The following GRIN3B variants were observed in gnomAD, a reference collection of about 807,000 sequenced individuals.
GRIN3B encodes the protein glutamate receptor ionotropic, NMDA 3B.
Under a neutral mutation model 66.0 loss-of-function variants are expected in GRIN3B, and 77 were observed. The observed-to-expected ratio is 1.17, with a 90% confidence interval of 0.97 to 1.41. The LOEUF is 1.41. Among genes scored for constraint, GRIN3B ranks in the 40% most tolerant of loss-of-function variants. The pLI, the probability that GRIN3B is intolerant of heterozygous loss-of-function variation, is 0.00. For synonymous variants in GRIN3B, 823 were observed against 749.7 expected (o/e 1.10, Z -1.60); for missense variants, 1,787 against 1,564.5 (o/e 1.14, Z -2.40).
At position 1,005,352 on chromosome 19, in the gene GRIN3B, C is replaced by T; in HGVS notation, c.1851C>T (p.Ser617=). ...GRNRSTVFSY[S]SALNLCYAIL... ...ACCGCAGCACCGTCTTCTCCTACTC[C>T]TCAGCCCTCAACCTGTGCTACGCCA... Residue 617 remains serine (S), a synonymous_variant, in exon 3 of 9, where the codon TCC becomes TCT. Transcript: ENST00000234389. The surrounding 1 kb of genome is among the most constrained non-coding windows in gnomAD (Gnocchi z 5.2). 7 of 1,613,784 alleles carry T rather than the reference C, an allele frequency of 4.3e-6. No individual in the cohort carries two copies. Among genetic ancestry groups the T allele is most frequent in the Non-Finnish European group, 4.2e-6 (5 of 1,180,018 alleles).
At chr19:1,003,989 T>C (rs1460976497) in intron 2 of GRIN3B, among the ~76,000 whole-genome samples, 1 of 152,212 alleles carries the variant, frequency 6.6e-6, no homozygotes, top group African/African-American at 2.4e-5. Context: ...CTCAGGAGGC[T>C]GAGATGAGAG....
Position 1,005,569 on chromosome 19 carries a change from G to A in GRIN3B, c.2052+16G>A. 1 of 1,545,772 alleles carries A rather than the reference G, an allele frequency of 6.5e-7. No homozygotes were observed. The highest frequency in any genetic ancestry group is 8.7e-7 in the Non-Finnish European group (1 of 1,143,584). On this transcript the variant is annotated intron_variant, in intron 3 of 8. Coordinates refer to ENST00000234389, the MANE Select transcript of GRIN3B (RefSeq NM_138690.3). This position sits in a 1 kb window ranked among gnomAD's most constrained non-coding sequence, Gnocchi z 5.2. ...CGACCCCAAGGTGGGCGGCCTCGGG[G>A]GGCTGCGGGTGGCCTTGGGGGGCTA...
chr19:1,007,560 C>T lies in GRIN3B; in HGVS notation c.2053-68C>T, dbSNP rs2145540167. On this transcript the variant is annotated intron_variant, in intron 3 of 8. Coordinates refer to ENST00000234389, the MANE Select transcript of GRIN3B (RefSeq NM_138690.3). The surrounding 1 kb of genome is among the most constrained non-coding windows in gnomAD (Gnocchi z 4.4). ...CCCAGGACGGCCCCACCCCGGAGAACGGCGCGCCCCTCAATGGTCAGGGGT... is the reference window on the plus strand; with the variant it reads ...CCCAGGACGGCCCCACCCCGGAGAATGGCGCGCCCCTCAATGGTCAGGGGT... The T allele has an allele frequency of 1.5e-6, 2 of 1,360,400 alleles. No individual in the cohort carries two copies. Among genetic ancestry groups the T allele is most frequent in the East Asian group, 3.1e-5 (1 of 32,160 alleles). The allele number at this position is 1,360,400 out of a possible 1,614,324, so 84.3% of individuals were successfully genotyped here.
rs892110155 is a variant in GRIN3B at position 1,004,828 on chromosome 19, C to A, written c.1327C>A (p.Gln443Lys). 2.5e-6 allele frequency: 4 copies of A among 1,612,582 alleles called. No homozygotes were observed. Among genetic ancestry groups the A allele is most frequent in the Non-Finnish European group, 3.4e-6 (4 of 1,179,482 alleles). ...PDEDGQCPAGQLCLDPGTNDS... is the reference protein window; with the variant it reads ...PDEDGQCPAGKLCLDPGTNDS... The stretch of plus-strand genomic sequence containing the variant: ...CGAAGACGGGCAGTGCCCAGCGGGG[C>A]AGCTGTGCCTGGACCCTGGCACCAA... Residue 443 changes from glutamine to lysine, a missense_variant, in exon 3 of 9, where the codon CAG becomes AAG. Physicochemically the swap from Gln to Lys is moderately conservative, Grantham distance 53. Transcript: ENST00000234389.
In GRIN3B at chr19:1,003,296, C is replaced by G; in HGVS notation, c.593C>G (p.Pro198Arg). 1 of 1,572,018 alleles carries G rather than the reference C, an allele frequency of 6.4e-7. No homozygotes were observed. The highest frequency in any genetic ancestry group is 1.2e-5 in the South Asian group (1 of 85,796). ...VALWTSRAGR[P>R]PQLVLDLSRR... ...CTCTGGACAAGCCGGGCTGGCCGGC[C>G]CCCACAGCTGGTCCTGGACCTAAGC... is the stretch of plus-strand genomic sequence containing the variant. Residue 198 changes from proline (P) to arginine (R), a missense_variant, in exon 2 of 9, where the codon CCC becomes CGC. Transcript: ENST00000234389.
In GRIN3B at chr19:1,009,425, G is replaced by C. The variant is rs1389165057; in HGVS notation, c.2955G>C (p.Glu985Asp). 2 of 1,452,316 alleles carry C rather than the reference G, an allele frequency of 1.4e-6. No individual in the cohort carries two copies. The highest frequency in any genetic ancestry group is 3.0e-5 in the East Asian group (1 of 33,410). 90.0% of individuals were successfully genotyped at this position (1,452,316 alleles called of 1,614,324 possible). A position where few individuals can be genotyped will look rare whatever the true frequency, so the allele number is the denominator to read the frequency against. ...TGAPQPGELQELERRIEVARE... is the reference protein window; with the variant it reads ...TGAPQPGELQDLERRIEVARE... Reference sequence around the variant, plus strand: ...CCCCCCAGCCCGGGGAGCTGCAGGAGCTGGAGCGCCGCATCGAAGTCGCGC... The same window carrying C: ...CCCCCCAGCCCGGGGAGCTGCAGGACCTGGAGCGCCGCATCGAAGTCGCGC... The change falls in exon 9 of 9, where the codon GAG becomes GAC. Residue 985 changes from glutamate to aspartate, a missense_variant. By Grantham distance (45) the Glu-to-Asp change is conservative. Coordinates refer to ENST00000234389, the MANE Select transcript of GRIN3B (RefSeq NM_138690.3).
At position 1,009,489 on chromosome 19, in the gene GRIN3B, C is replaced by G; in HGVS notation, c.3019C>G (p.Leu1007Val). ...CCAGGCCCTGGTGCGGCGCGGCCAGCTCCTGGCACAGCTCGGGGACAGCGC... is the reference window on the plus strand; with the variant it reads ...CCAGGCCCTGGTGCGGCGCGGCCAGGTCCTGGCACAGCTCGGGGACAGCGC... ...LRQALVRRGQ[L>V]LAQLGDSARH... is the part of the protein sequence containing the mutation. The change falls in exon 9 of 9, where the codon CTC (leucine) becomes GTC (valine). Residue 1007 changes from leucine (L) to valine (V), a missense_variant. Physicochemically the swap from Leu to Val is conservative, Grantham distance 32. Transcript: ENST00000234389. 1.3e-6 allele frequency: 2 copies of G among 1,492,350 alleles called. No homozygotes were observed. Among genetic ancestry groups the G allele is most frequent in the South Asian group, 1.3e-5 (1 of 79,126 alleles). 92.4% of individuals were successfully genotyped at this position (1,492,350 alleles called of 1,614,324 possible).
At position 1,009,189 on chromosome 19, in the gene GRIN3B, CA is replaced by C; in HGVS notation, c.2720del (p.Gln907ArgfsTer178). ...EAEPSGPEVE[Q>X]QQQQQDQPTA... ...CGTCCCCAGCGGCCCCGAGGTGGAG[CA>C]GCAGCAGCAGCAGCAGGACCAGCCA... is the stretch of plus-strand genomic sequence containing the variant. On this transcript the variant is annotated frameshift_variant, in exon 9 of 9. Transcript: ENST00000234389. LOFTEE classifies it low-confidence loss of function (END_TRUNC). 8.7e-7 allele frequency: 1 copy of C among 1,146,768 alleles called. No individual in the cohort carries two copies. The highest frequency in any genetic ancestry group is 1.8e-5 in the African/African-American group (1 of 56,232). The allele number at this position is 1,146,768 out of a possible 1,614,324, so 71.0% of individuals were successfully genotyped here. A position where few individuals can be genotyped will look rare whatever the true frequency, so the allele number is the denominator to read the frequency against.
rs747446219 is a variant in GRIN3B at position 1,004,581 on chromosome 19, C to A, written c.1080C>A (p.Ser360=). The A allele has an allele frequency of 1.2e-6, 2 of 1,609,956 alleles. No individual in the cohort carries two copies. The highest frequency in any genetic ancestry group is 8.5e-7 in the Non-Finnish European group (1 of 1,178,884). The change falls in exon 3 of 9, where the codon TCC becomes TCA. Residue 360 remains serine (S), a synonymous_variant. Transcript: ENST00000234389. ...RTGPVWVTGS[S]QVHMSRHFKV... ...GCCCCGTGTGGGTGACAGGCAGCTCCCAGGTACACATGTCTCGGCACTTTA... is the reference window on the plus strand; with the variant it reads ...GCCCCGTGTGGGTGACAGGCAGCTCACAGGTACACATGTCTCGGCACTTTA...
intron 3 of GRIN3B, among the ~76,000 whole-genome samples, chr19:1,006,274 A>G (rs1218060954): frequency 6.6e-6 from 1 of 151,744 alleles, no homozygotes; most frequent in East Asian, 2.0e-4. Flanking sequence ...TCAGCCTCCC[A>G]AGTAGCTGGG....
chr19:1,007,446 C>T lies in GRIN3B; in HGVS notation c.2053-182C>T, dbSNP rs1312068699. On this transcript the variant is annotated intron_variant, in intron 3 of 8. Coordinates refer to ENST00000234389, the MANE Select transcript of GRIN3B (RefSeq NM_138690.3). The surrounding 1 kb of genome is among the most constrained non-coding windows in gnomAD (Gnocchi z 4.4). ...CCAGGGGACCCTGGACAGTGTGTGTCTAGAGACAGCTGTGGTGGTCACGCC... is the reference window on the plus strand; with the variant it reads ...CCAGGGGACCCTGGACAGTGTGTGTTTAGAGACAGCTGTGGTGGTCACGCC... Among the ~76,000 whole-genome samples, 2 of 151,826 alleles carry T rather than the reference C, an allele frequency of 1.3e-5. No individual in the cohort carries two copies. The highest frequency in any genetic ancestry group is 2.9e-5 in the Non-Finnish European group (2 of 67,906).
chr19:1,008,898 GA>G lies in GRIN3B; in HGVS notation c.2675del (p.Lys892ArgfsTer193). ...TCAACACGGAGCCACCAGAGGGGTC[GA>G]AGGAGGAGACGGCAGAGGCGGAGCC... The part of the protein sequence containing the change: ...ALNTEPPEGS[K>X]EETAEAEPSG... On this transcript the variant is annotated frameshift_variant, in exon 8 of 9. Transcript: ENST00000234389. LOFTEE classifies it low-confidence loss of function (END_TRUNC). 1 of 1,610,562 alleles carries G rather than the reference GA, an allele frequency of 6.2e-7. No individual in the cohort carries two copies. Among genetic ancestry groups the G allele is most frequent in the Admixed American group, 1.7e-5 (1 of 59,886 alleles).
chr19:1,000,498 G>C lies in GRIN3B; in HGVS notation c.61G>C (p.Gly21Arg), dbSNP rs1164802309. The C allele has an allele frequency of 8.3e-7, 1 of 1,201,494 alleles. No individual in the cohort carries two copies. Among genetic ancestry groups the C allele is most frequent in the East Asian group, 3.4e-5 (1 of 29,242 alleles). 74.4% of individuals were successfully genotyped at this position (1,201,494 alleles called of 1,614,324 possible). Residue 21 changes from glycine (G) to arginine (R), a missense_variant, in exon 1 of 9, where the codon GGG (glycine) becomes CGG (arginine). Physicochemically the swap from Gly to Arg is moderately radical, Grantham distance 125. Coordinates refer to ENST00000234389, the MANE Select transcript of GRIN3B (RefSeq NM_138690.3). ...GCTGGCGCTGGGGCCGGGGTCCGCGGGGGGCCACCCTCAGCCGTGCGGCGT... is the reference window on the plus strand; with the variant it reads ...GCTGGCGCTGGGGCCGGGGTCCGCGCGGGGCCACCCTCAGCCGTGCGGCGT... Reference protein sequence around the residue: ...LALALGPGSAGGHPQPCGVLA... With the variant: ...LALALGPGSARGHPQPCGVLA...
Sources: allele counts gnomAD v4.1 joint callset (sites outside exome capture counted in the v4.1 genomes callset), GRCh38; gene constraint gnomAD v4.1.1; non-coding constraint Gnocchi (gnomAD v3.1); transcripts MANE v1.5; gene names NCBI Gene and HGNC (gene_info 2026-07-23, HGNC 2026-07-21).